CNTN3: variants seen among roughly 807,000 people sequenced by gnomAD.
CNTN3 encodes contactin-3.
CNTN3 carries 60 observed loss-of-function variants against 119.1 expected under a neutral mutation model. The ratio of observed to expected loss-of-function variants is 0.50; its 90% confidence interval spans 0.41 to 0.62. CNTN3 has a LOEUF of 0.62. Among genes scored for constraint, CNTN3 ranks in the 20% least tolerant of loss-of-function variants. The pLI, the probability that CNTN3 is intolerant of heterozygous loss-of-function variation, is 0.00. For synonymous variants in CNTN3, 450 were observed against 438.7 expected (o/e 1.03, Z -0.32); for missense variants, 1,101 against 1,242.4 (o/e 0.89, Z 1.71).
At chr3:74,579,490 A>G (rs185975769) in intron 1 of CNTN3, among the ~76,000 whole-genome samples, 1 of 152,238 alleles carries the variant, frequency 6.6e-6, no homozygotes, top group Non-Finnish European at 1.5e-5. Flanking sequence ...AAATGCATGT[A>G]GAACATTCAC....
chr3:74,483,146 C>A (rs1342004531), intron 4 of CNTN3, among the ~76,000 whole-genome samples: 6 of 151,798 alleles, frequency 4.0e-5, no homozygotes, highest in Non-Finnish European at 7.4e-5. Flanking sequence ...CACTGTACAG[C>A]AACACAGCTA....
intron 5 of CNTN3, among the ~76,000 whole-genome samples, chr3:74,372,425 T>A (rs1488798): frequency 6.6e-6 from 1 of 151,800 alleles, no homozygotes; most frequent in Non-Finnish European, 1.5e-5. Flanking sequence ...GATAATAATA[T>A]GCCACTTTGT....
intron 1 of CNTN3, among the ~76,000 whole-genome samples, chr3:74,604,448 T>A (rs1704961006): frequency 6.6e-6 from 1 of 151,968 alleles, no homozygotes; most frequent in South Asian, 2.1e-4. Flanking sequence ...TATAAGGAAC[T>A]CAAACAACTC....
At chr3:74,362,620 C>T (rs140734005) in intron 10 of CNTN3, among the ~76,000 whole-genome samples, 209 of 152,156 alleles carry the variant, frequency 1.4e-3, no homozygotes, top group African/African-American at 4.8e-3. Flanking sequence ...GAAAATATTA[C>T]ATTTGCTAAT....
chr3:74,322,827 T>C (rs1222199838), intron 13 of CNTN3, among the ~76,000 whole-genome samples: 2 of 152,206 alleles, frequency 1.3e-5, no homozygotes, highest in South Asian at 2.1e-4. Context: ...TGAGCTGAGA[T>C]ATCAAGCCAT....
intron 4 of CNTN3, among the ~76,000 whole-genome samples, chr3:74,455,751 T>C (rs2106960401): frequency 6.6e-6 from 1 of 152,066 alleles, no homozygotes; most frequent in South Asian, 2.1e-4. Flanking sequence ...TCTGTTGGAG[T>C]TTGCTAGAGG....
intron 1 of CNTN3, among the ~76,000 whole-genome samples, chr3:74,566,403 T>A (rs1162370729): frequency 2.0e-5 from 3 of 152,134 alleles, no homozygotes; most frequent in African/African-American, 7.2e-5. Context: ...AACAGAAATG[T>A]ATTCTCTCAA....
At chr3:74,309,419 A>C (rs1347999243) in intron 13 of CNTN3, among the ~76,000 whole-genome samples, 3 of 152,102 alleles carry the variant, frequency 2.0e-5, no homozygotes, top group Middle Eastern at 3.2e-3. Flanking sequence ...TGACTCTCTC[A>C]TTCTATATTA....
At chr3:74,295,327 A>T in intron 18 of CNTN3, 91 bp from the exon 19 acceptor site, 1 of 675,808 alleles carries the variant, frequency 1.5e-6, no homozygotes, top group Non-Finnish European at 2.5e-6. Flanking sequence ...AAAGCATTTT[A>T]ACGTATTTGA....
At chr3:74,292,628 C>T (rs1033318458) in intron 19 of CNTN3, among the ~76,000 whole-genome samples, 2 of 152,104 alleles carry the variant, frequency 1.3e-5, no homozygotes, top group East Asian at 1.9e-4. Flanking sequence ...TCATTACATA[C>T]CTAATCTTAT....
intron 18 of CNTN3, among the ~76,000 whole-genome samples, chr3:74,295,684 G>A (rs546171011): frequency 2.0e-5 from 3 of 152,300 alleles, no homozygotes; most frequent in African/African-American, 7.2e-5. Context: ...CCTGTCTAGA[G>A]AGGCCTACAG....
At chr3:74,496,166 T>C (rs996233489) in intron 3 of CNTN3, among the ~76,000 whole-genome samples, 3 of 152,066 alleles carry the variant, frequency 2.0e-5, no homozygotes, top group African/African-American at 7.2e-5. Flanking sequence ...CCTCTAAGTC[T>C]TGAGCTAGAC....
intron 20 of CNTN3, among the ~76,000 whole-genome samples, 160 bp downstream of exon 20, chr3:74,285,145 A>AGGGTTTTGGAGTT (rs1021306555): frequency 2.0e-5 from 3 of 152,162 alleles, no homozygotes; most frequent in Non-Finnish European, 4.4e-5. Context: ...CATGAGGACA[A>AGGGTTTTGGAGTT]GGGTTTTGGA....
At chr3:74,330,745 T>C (rs1442001603) in intron 13 of CNTN3, among the ~76,000 whole-genome samples, 4 of 152,200 alleles carry the variant, frequency 2.6e-5, no homozygotes, top group Non-Finnish European at 5.9e-5. Context: ...TGAGACATGC[T>C]GTGGAGGCAC....
At chr3:74,567,652 A>C (rs1704248425) in intron 1 of CNTN3, among the ~76,000 whole-genome samples, 1 of 152,138 alleles carries the variant, frequency 6.6e-6, no homozygotes, top group Non-Finnish European at 1.5e-5. Flanking sequence ...GACCTTTTTG[A>C]ATCTTGAGAA....
intron 4 of CNTN3, among the ~76,000 whole-genome samples, chr3:74,447,408 T>G (rs1266278323): frequency 6.6e-6 from 1 of 152,190 alleles, no homozygotes; most frequent in East Asian, 1.9e-4. Flanking sequence ...AGGCAAGAGA[T>G]GTAATCCATA....
intron 5 of CNTN3, among the ~76,000 whole-genome samples, chr3:74,391,886 A>C (rs1299045323): frequency 1.3e-5 from 2 of 152,056 alleles, no homozygotes; most frequent in African/African-American, 4.8e-5. Flanking sequence ...TTGAACTCCT[A>C]ACCTCAAGTG....
At chr3:74,271,824 T>C (rs1401059738) in intron 20 of CNTN3, among the ~76,000 whole-genome samples, 1 of 152,194 alleles carries the variant, frequency 6.6e-6, no homozygotes, top group Non-Finnish European at 1.5e-5. Flanking sequence ...AATAGTAAGA[T>C]ACGGTTGTTT....
chr3:74,338,043 T>C (rs1703437361), intron 11 of CNTN3, among the ~76,000 whole-genome samples: 1 of 152,144 alleles, frequency 6.6e-6, no homozygotes, highest in African/African-American at 2.4e-5. Context: ...AAATAATTAC[T>C]ATCCACATAA....
Sources: gnomAD v4.1 joint callset for allele counts (sites outside exome capture counted in the v4.1 genomes callset) on GRCh38, gnomAD v4.1.1 for gene constraint, MANE v1.5 for transcripts, NCBI Gene and HGNC (gene_info 2026-07-23, HGNC 2026-07-21) for gene names.